SPTBN1: variants seen among roughly 807,000 people sequenced by gnomAD.
The protein encoded by SPTBN1 is spectrin beta chain, non-erythrocytic 1.
SPTBN1 carries 32 observed loss-of-function variants against 266.4 expected under a neutral mutation model. The ratio of observed to expected loss-of-function variants is 0.12; its 90% CI spans 0.09 to 0.16. The LOEUF (loss-of-function observed/expected upper bound fraction) is 0.16. SPTBN1 is among the 10% of genes least tolerant of loss of function. The pLI is 1.00. For missense variants in SPTBN1, 2,296 were observed against 3,067.1 expected (o/e 0.75, Z 5.94); for synonymous variants, 1,336 against 1,162.2 (o/e 1.15, Z -3.04).
At chr2:54,537,600 G>C (rs1251360581) in intron 2 of SPTBN1, among the ~76,000 whole-genome samples, 1 of 152,224 alleles carries the variant, frequency 6.6e-6, no homozygotes, top group Non-Finnish European at 1.5e-5. Flanking sequence ...TGGGGAAAGA[G>C]ACTGGAGTAT....
chr2:54,481,255 A>C (rs1199340485), intron 1 of SPTBN1, among the ~76,000 whole-genome samples: 1 of 151,158 alleles, frequency 6.6e-6, no homozygotes, highest in Admixed American at 6.6e-5. Context: ...GCTGTTTTTG[A>C]TTTTCAGCAG....
At position 54,653,866 on chromosome 2, in the gene SPTBN1, G is replaced by A. The variant is rs375939494; in HGVS notation, c.5822+13G>A. 1.9e-6 allele frequency: 3 copies of A among 1,601,686 alleles called. No homozygotes were observed. Among genetic ancestry groups the A allele is most frequent in the South Asian group, 1.1e-5 (1 of 89,084 alleles). On this transcript the variant is annotated intron_variant, in intron 27 of 35. Coordinates refer to ENST00000356805, the MANE Select transcript of SPTBN1 (RefSeq NM_003128.3). This position sits in a 1 kb window ranked among gnomAD's most constrained non-coding sequence, Gnocchi z 5.1. ...AGGAGAAGCCAAGGTAACGCTTTCA[G>A]CCCAAAGGAAATTGGACTTATTGGC...
chr2:54,616,380 A>G (rs1677609687), intron 5 of SPTBN1, 82 bp downstream of exon 5: 1 of 1,240,624 alleles, frequency 8.1e-7, no homozygotes, highest in African/African-American at 1.5e-5. Flanking sequence ...AGGTGTTGAC[A>G]GGTATCTTTT....
At chr2:54,508,706 A>C (rs1223829587) in intron 1 of SPTBN1, among the ~76,000 whole-genome samples, 1 of 152,004 alleles carries the variant, frequency 6.6e-6, no homozygotes, top group Non-Finnish European at 1.5e-5. Context: ...GCCAGATGAG[A>C]AGGAGGAAAA....
chr2:54,525,822 C>T (rs913859897), intron 1 of SPTBN1, among the ~76,000 whole-genome samples: 5 of 152,206 alleles, frequency 3.3e-5, no homozygotes, highest in Admixed American at 3.3e-4. Flanking sequence ...CCTCCGCCTC[C>T]CAGATTCGAG....
chr2:54,505,189 C>A (rs757018292), intron 1 of SPTBN1, among the ~76,000 whole-genome samples: 3 of 152,062 alleles, frequency 2.0e-5, no homozygotes, highest in Admixed American at 2.0e-4. Flanking sequence ...ACATTGTATT[C>A]GATCACAAGA....
Position 54,637,731 on chromosome 2 carries a change from G to A in SPTBN1, c.3786G>A (p.Glu1262=), listed in dbSNP as rs1267978875. 6.2e-7 allele frequency: 1 copy of A among 1,613,624 alleles called. No individual in the cohort carries two copies. The highest frequency in any genetic ancestry group is 8.5e-7 in the Non-Finnish European group (1 of 1,179,790). The part of the protein sequence containing the change: ...SIDDRHRKNR[E]TASELLMRLK... ...CTAATAGACATAGGAAGAATCGTGA[G>A]ACAGCCAGTGAACTTTTGATGAGGT... The change falls in exon 18 of 36, where the codon GAG becomes GAA. Residue 1262 remains glutamate (E), a synonymous_variant. Transcript: ENST00000356805.
chr2:54,657,982 A>G lies in SPTBN1; in HGVS notation c.6179A>G (p.Glu2060Gly), dbSNP rs1299672924. The change falls in exon 30 of 36, where the codon GAG becomes GGG. Residue 2060 changes from glutamate to glycine, a missense_variant. Glu to Gly is a moderately conservative substitution (Grantham distance 98). Transcript: ENST00000356805. ...GTGGAGAAGCTCATCAAGCGCCACG[A>G]GGCATTTGAAAAGTCTGCAGCAACC... ...DEVEKLIKRHEAFEKSAATWD... is the reference protein window; with the variant it reads ...DEVEKLIKRHGAFEKSAATWD... 6.2e-7 allele frequency: 1 copy of G among 1,614,232 alleles called. No homozygotes were observed. Among genetic ancestry groups the G allele is most frequent in the East Asian group, 2.2e-5 (1 of 44,890 alleles).
At chr2:54,600,496 T>G (rs1676427828) in intron 3 of SPTBN1, among the ~76,000 whole-genome samples, 1 of 152,194 alleles carries the variant, frequency 6.6e-6, no homozygotes, top group Non-Finnish European at 1.5e-5. Context: ...GCAGTTGATT[T>G]GTGGTCTGGG....
At chr2:54,500,945 T>G (rs6545415) in intron 1 of SPTBN1, among the ~76,000 whole-genome samples, 118,929 of 152,198 alleles carry the variant, frequency 0.78, 46,849 homozygotes, top group African/African-American at 0.89. Context: ...CAGTGTTCCT[T>G]TCCAGTCCTC....
chr2:54,609,000 T>C (rs1030457197), intron 3 of SPTBN1, among the ~76,000 whole-genome samples: 4 of 152,154 alleles, frequency 2.6e-5, no homozygotes, highest in Non-Finnish European at 5.9e-5. Flanking sequence ...ATCCTTGTCT[T>C]CACGTTGAGT....
chr2:54,499,150 T>TGTTA (rs4024578), intron 1 of SPTBN1, among the ~76,000 whole-genome samples: 118,943 of 151,822 alleles, frequency 0.78, 46,951 homozygotes, highest in African/African-American at 0.89. Flanking sequence ...GGGATCGATC[T>TGTTA]GTTCTCAGAT....
intron 2 of SPTBN1, among the ~76,000 whole-genome samples, chr2:54,571,026 T>A (rs949615093): frequency 6.6e-5 from 10 of 152,262 alleles, no homozygotes; most frequent in Admixed American, 5.2e-4. Flanking sequence ...CGACTTGCTG[T>A]ACAATTCAGT....
intron 2 of SPTBN1, among the ~76,000 whole-genome samples, chr2:54,545,955 C>T (rs1176600490): frequency 1.3e-5 from 2 of 152,138 alleles, no homozygotes; most frequent in African/African-American, 4.8e-5. Context: ...AACCTTTGTC[C>T]TTCTACAGGA....
chr2:54,457,038 G>T (rs895250385), intron 1 of SPTBN1, among the ~76,000 whole-genome samples: 1 of 151,750 alleles, frequency 6.6e-6, no homozygotes, highest in Non-Finnish European at 1.5e-5. Context: ...GCGTAGCGGT[G>T]CAGGGGATGC....
rs528102237 is a variant in SPTBN1 at position 54,558,634 on chromosome 2, G to C, written c.148+32068G>C. On this transcript the variant is annotated intron_variant, in intron 2 of 35. Transcript: ENST00000356805. The surrounding 1 kb of genome is among the most constrained non-coding windows in gnomAD (Gnocchi z 4.6). The stretch of plus-strand genomic sequence containing the variant: ...CTCTCTTGCAGCCAACTTCCCATCA[G>C]ATCACCCTGCTGGACTTGCAGACCG... 1.5e-4 allele frequency: 221 copies of C among 1,473,394 alleles called. 2 individuals are homozygous for C. In the African/African-American group the frequency reaches 2.8e-3, roughly 19 times the overall value. 91.3% of individuals were successfully genotyped at this position (1,473,394 alleles called of 1,614,324 possible).
At chr2:54,579,538 CT>C (rs1674731770) in intron 2 of SPTBN1, among the ~76,000 whole-genome samples, 1 of 152,206 alleles carries the variant, frequency 6.6e-6, no homozygotes, top group Admixed American at 6.5e-5. Context: ...CTCTTAATAC[CT>C]GAACTGTGGA....
At chr2:54,651,299 G>A (rs1680264899) in intron 26 of SPTBN1, among the ~76,000 whole-genome samples, 1 of 152,164 alleles carries the variant, frequency 6.6e-6, no homozygotes, top group Non-Finnish European at 1.5e-5. Context: ...AGCCAAAGAA[G>A]GGTCTCGGAA....
intron 1 of SPTBN1, among the ~76,000 whole-genome samples, chr2:54,460,095 G>T (rs1036833030): frequency 6.6e-6 from 1 of 152,088 alleles, no homozygotes; most frequent in African/African-American, 2.4e-5. Flanking sequence ...CATTAGAATC[G>T]CCTGGAAGCT....
Sources: allele counts gnomAD v4.1 joint callset (sites outside exome capture counted in the v4.1 genomes callset), GRCh38; gene constraint gnomAD v4.1.1; non-coding constraint Gnocchi (gnomAD v3.1); transcripts MANE v1.5; gene names NCBI Gene and HGNC (gene_info 2026-07-23, HGNC 2026-07-21).